The following LRRC37A variants were observed in gnomAD, a reference collection of about 807,000 sequenced individuals.
LRRC37A encodes the protein leucine-rich repeat-containing protein 37A.
A neutral mutation model predicts 35.4 loss-of-function variants in LRRC37A; 3 were observed. The observed-to-expected ratio is 0.08, with a 90% CI of 0.04 to 0.22. LRRC37A has a LOEUF of 0.22. LRRC37A is among the 10% of genes least tolerant of loss of function. LRRC37A has a pLI of 1.00. For synonymous variants in LRRC37A, 23 were observed against 215.0 expected (o/e 0.11, Z 7.81); for missense variants, 67 against 565.3 (o/e 0.12, Z 8.94).
At chr17:46,262,565 A>C in the LRRC37A span, among the ~76,000 whole-genome samples, 1 of 152,098 alleles carries the variant, frequency 6.6e-6, no homozygotes, top group Non-Finnish European at 1.5e-5. Flanking sequence ...TTTTTTGTTC[A>C]TCCTGTTGTT....
the LRRC37A span, among the ~76,000 whole-genome samples, chr17:46,249,530 C>T: frequency 1.3e-5 from 2 of 152,186 alleles, no homozygotes; most frequent in East Asian, 3.9e-4. Flanking sequence ...AAATCTTTTT[C>T]TTGGTTCTCC....
At chr17:46,265,599 T>C in the LRRC37A span, among the ~76,000 whole-genome samples, 16 of 90,258 alleles carry the variant, frequency 1.8e-4, no homozygotes, top group African/African-American at 5.2e-4. Flanking sequence ...CCACCTCAGC[T>C]TCCCATGTGG....
the LRRC37A span, among the ~76,000 whole-genome samples, chr17:46,253,773 GA>G: frequency 1.3e-5 from 2 of 148,624 alleles, no homozygotes; most frequent in Non-Finnish European, 3.0e-5. Context: ...GAGGGAGGGG[GA>G]GGGGAGGGGG....
chr17:46,249,959 C>T, the LRRC37A span, among the ~76,000 whole-genome samples: 9 of 152,336 alleles, frequency 5.9e-5, no homozygotes, highest in African/African-American at 2.2e-4. Context: ...AGCCTGCCAC[C>T]ATGCCCGACT....
At chr17:46,264,714 A>T in the LRRC37A span, among the ~76,000 whole-genome samples, 11 of 152,322 alleles carry the variant, frequency 7.2e-5, no homozygotes, top group Non-Finnish European at 1.2e-4. Context: ...AAGACCCAGC[A>T]CTGGACTCTG....
chr17:46,274,769 C>A, the LRRC37A span: 2 of 152,318 alleles, frequency 1.3e-5, no homozygotes, highest in African/African-American at 4.8e-5. Context: ...ATCATTGTTT[C>A]TTGCTTTCTT....
chr17:46,273,501 T>C, the LRRC37A span, among the ~76,000 whole-genome samples: 15 of 152,234 alleles, frequency 9.9e-5, no homozygotes, highest in African/African-American at 2.7e-4. Flanking sequence ...ATCTTTCTTT[T>C]AAGAAACCAA....
At chr17:46,289,350 T>TTC (rs1555612892), upstream of LRRC37A, among the ~76,000 whole-genome samples, 1 of 125,524 alleles carries the variant, frequency 8.0e-6, no homozygotes, top group Non-Finnish European at 2.0e-5. Flanking sequence ...GCTACTTTTT[T>TTC]TTTTGTAGAG....
chr17:46,288,745 C>T (rs1369297765), upstream of LRRC37A, among the ~76,000 whole-genome samples: 1 of 151,374 alleles, frequency 6.6e-6, no homozygotes, highest in Non-Finnish European at 1.5e-5. Flanking sequence ...ACTCTGTCAC[C>T]CAGGTTAGAG....
the LRRC37A span, chr17:46,267,363 G>C: frequency 1.3e-6 from 2 of 1,583,290 alleles, no homozygotes; most frequent in Non-Finnish European, 1.7e-6. Context: ...TGCTGGGCGC[G>C]GGCATCTGGC....
At chr17:46,269,984 A>C in the LRRC37A span, among the ~76,000 whole-genome samples, 1 of 152,254 alleles carries the variant, frequency 6.6e-6, no homozygotes, top group Non-Finnish European at 1.5e-5. Context: ...AAAAAGGTTT[A>C]ATCACTAGCT....
At chr17:46,249,780 A>G in the LRRC37A span, among the ~76,000 whole-genome samples, 2 of 152,242 alleles carry the variant, frequency 1.3e-5, no homozygotes, top group Non-Finnish European at 2.9e-5. Context: ...TGTCAGAGCC[A>G]GATGGCTGTC....
chr17:46,265,307 T>A, the LRRC37A span, among the ~76,000 whole-genome samples: 3 of 121,842 alleles, frequency 2.5e-5, no homozygotes, highest in African/African-American at 6.6e-5. Flanking sequence ...CTTCTTCTTC[T>A]TCTTCTTCCT....
chr17:46,277,653 CT>C, the LRRC37A span, among the ~76,000 whole-genome samples: 158 of 137,702 alleles, frequency 1.1e-3, no homozygotes, highest in Middle Eastern at 3.9e-3. Flanking sequence ...TTCTTTCTTT[CT>C]TTTTTTTTTT....
chr17:46,286,890 C>CT, the LRRC37A span, among the ~76,000 whole-genome samples: 1 of 152,246 alleles, frequency 6.6e-6, no homozygotes, highest in African/African-American at 2.4e-5. Context: ...CATCCATTTT[C>CT]TTAGCCTCCT....
chr17:46,305,986 T>C (rs2143645750), intron 4 of LRRC37A, among the ~76,000 whole-genome samples: 1 of 79,276 alleles, frequency 1.3e-5, no homozygotes, highest in East Asian at 2.4e-4. Context: ...GAAATCCTGT[T>C]CTAGAGAAAT....
intron 10 of LRRC37A, chr17:46,334,970 C>T (rs2052237498): frequency 1.3e-5 from 1 of 75,002 alleles, no homozygotes; most frequent in Non-Finnish European, 3.5e-5. Context: ...CATGGTGGCT[C>T]ACACTTGTAA....
the LRRC37A span, among the ~76,000 whole-genome samples, chr17:46,264,445 C>G: frequency 1.4e-4 from 22 of 152,328 alleles, no homozygotes; most frequent in Admixed American, 1.0e-3. Flanking sequence ...GAAACCAATA[C>G]TGTTAAACAT....
chr17:46,264,240 A>T, the LRRC37A span, among the ~76,000 whole-genome samples: 15,752 of 143,644 alleles, frequency 0.11, 1 homozygote, highest in Middle Eastern at 0.18. Context: ...CTGGAATTAC[A>T]TGTGTGAGCC....
Sources: allele counts gnomAD v4.1 joint callset (sites outside exome capture counted in the v4.1 genomes callset), GRCh38; gene constraint gnomAD v4.1.1; transcripts MANE v1.5; gene names NCBI Gene and HGNC (gene_info 2026-07-23, HGNC 2026-07-21).